CSMD1: variants seen among roughly 807,000 people sequenced by gnomAD.
CSMD1 encodes CUB and Sushi multiple domains 1, also known as CUB and sushi domain-containing protein 1.
A neutral mutation model predicts 417.5 loss-of-function variants in CSMD1; 213 were observed. The observed-to-expected ratio is 0.51, with a 90% CI of 0.46 to 0.57. CSMD1 has a LOEUF of 0.57. Ranked by LOEUF, CSMD1 falls within the 20% of genes least tolerant of loss-of-function variation. The probability of loss-of-function intolerance (pLI) is 0.00; values close to 1 mark genes in which losing one functional copy is unlikely to be tolerated. For synonymous variants in CSMD1, 2,862 were observed against 1,736.8 expected (o/e 1.65, Z -16.11); for missense variants, 6,923 against 4,529.7 (o/e 1.53, Z -15.17).
intron 36 of CSMD1, among the ~76,000 whole-genome samples, chr8:3,186,373 T>A (rs528489840): frequency 6.6e-6 from 1 of 152,212 alleles, no homozygotes; most frequent in African/African-American, 2.4e-5. Flanking sequence ...AATGGGCTAT[T>A]TGAAATAAAA....
intron 18 of CSMD1, among the ~76,000 whole-genome samples, chr8:3,380,091 C>G (rs145244503): frequency 0.12 from 18,171 of 152,170 alleles, 1,124 homozygotes; most frequent in Non-Finnish European, 0.14. Context: ...TATGAACAGA[C>G]ACTTCTCTAA....
intron 10 of CSMD1, among the ~76,000 whole-genome samples, chr8:3,533,286 T>C (rs752389153): frequency 1.3e-5 from 2 of 152,216 alleles, no homozygotes; most frequent in Non-Finnish European, 2.9e-5. Context: ...AATGTTTAAA[T>C]GCCCAATATA....
intron 42 of CSMD1, among the ~76,000 whole-genome samples, chr8:3,110,753 A>T (rs761986570): frequency 1.3e-5 from 2 of 152,174 alleles, no homozygotes; most frequent in Non-Finnish European, 2.9e-5. Flanking sequence ...CATCTGAAAG[A>T]GTGTCATCTA....
At chr8:4,396,331 G>C (rs569872504) in intron 3 of CSMD1, among the ~76,000 whole-genome samples, 1 of 151,622 alleles carries the variant, frequency 6.6e-6, no homozygotes, top group South Asian at 2.1e-4. Flanking sequence ...GCCAGGCATG[G>C]TAGCATGCAC....
At chr8:4,915,379 G>A (rs556877406) in intron 1 of CSMD1, among the ~76,000 whole-genome samples, 1 of 152,310 alleles carries the variant, frequency 6.6e-6, no homozygotes, top group South Asian at 2.1e-4. Context: ...GACAATCGTA[G>A]ATTCTGATCC....
intron 3 of CSMD1, among the ~76,000 whole-genome samples, chr8:4,155,183 A>C (rs942585181): frequency 6.6e-6 from 1 of 152,198 alleles, no homozygotes; most frequent in Non-Finnish European, 1.5e-5. Context: ...TAATTTGCCC[A>C]GGATTGTCCT....
At chr8:4,413,251 GCTTTC>G (rs1275209503) in intron 3 of CSMD1, among the ~76,000 whole-genome samples, 2 of 152,176 alleles carry the variant, frequency 1.3e-5, no homozygotes, top group Non-Finnish European at 2.9e-5. Context: ...AGCTGGCTAA[GCTTTC>G]CTTTCCTTGA....
chr8:4,483,402 G>C (rs950428104), intron 2 of CSMD1, among the ~76,000 whole-genome samples: 4 of 152,260 alleles, frequency 2.6e-5, no homozygotes, highest in Middle Eastern at 3.4e-3. Context: ...TCTAAAGCTA[G>C]CTAATTACAT....
chr8:2,975,202 A>G (rs1804814097), intron 55 of CSMD1, among the ~76,000 whole-genome samples: 1 of 152,208 alleles, frequency 6.6e-6, no homozygotes, highest in Admixed American at 6.5e-5. Flanking sequence ...TGTTCTATAA[A>G]ATAATCTCAT....
intron 5 of CSMD1, among the ~76,000 whole-genome samples, chr8:3,934,104 A>T (rs1810327421): frequency 6.6e-6 from 1 of 152,192 alleles, no homozygotes; most frequent in African/African-American, 2.4e-5. Flanking sequence ...ATGTTTTTGA[A>T]AACTAAAATT....
intron 3 of CSMD1, among the ~76,000 whole-genome samples, chr8:4,280,391 G>A (rs1419894416): frequency 6.6e-6 from 1 of 152,168 alleles, no homozygotes; most frequent in African/African-American, 2.4e-5. Context: ...GTTTTCTTCA[G>A]TTGTCTAGAA....
intron 6 of CSMD1, among the ~76,000 whole-genome samples, chr8:3,753,257 G>C (rs933567153): frequency 4.6e-5 from 7 of 152,308 alleles, no homozygotes; most frequent in East Asian, 3.9e-4. Context: ...AAGTGGAATG[G>C]TTTTTAGGAG....
At chr8:4,410,755 T>C (rs1190266147) in intron 3 of CSMD1, among the ~76,000 whole-genome samples, 3 of 152,080 alleles carry the variant, frequency 2.0e-5, no homozygotes, top group Non-Finnish European at 4.4e-5. Flanking sequence ...ATGAAAAATA[T>C]TAAGAAATGA....
At chr8:4,594,674 T>A (rs1444927056) in intron 2 of CSMD1, among the ~76,000 whole-genome samples, 1 of 152,216 alleles carries the variant, frequency 6.6e-6, no homozygotes, top group Non-Finnish European at 1.5e-5. Flanking sequence ...CTGCTGCCCA[T>A]GTGTTGCCTT....
intron 3 of CSMD1, among the ~76,000 whole-genome samples, chr8:4,153,158 C>G (rs1796659047): frequency 6.6e-6 from 1 of 152,100 alleles, no homozygotes; most frequent in African/African-American, 2.4e-5. Flanking sequence ...ACTGTGGTGA[C>G]CATGCCAGGA....
At chr8:2,952,514 GT>G (rs1031860525) in intron 65 of CSMD1, among the ~76,000 whole-genome samples, 1 of 152,064 alleles carries the variant, frequency 6.6e-6, no homozygotes, top group Non-Finnish European at 1.5e-5. Context: ...AATAAAATAA[GT>G]AAAAAACTCA....
chr8:3,289,619 G>A (rs1419888446), intron 25 of CSMD1, among the ~76,000 whole-genome samples: 6 of 147,066 alleles, frequency 4.1e-5, no homozygotes, highest in African/African-American at 1.6e-4. Flanking sequence ...CTGCATAAAT[G>A]TCTTCTTTTG....
Position 3,054,693 on chromosome 8 carries a change from G to A in CSMD1, c.7475-2046C>T, listed in dbSNP as rs570498515. Among the ~76,000 whole-genome samples, 56 of 152,302 alleles carry A rather than the reference G, an allele frequency of 3.7e-4. No individual in the cohort carries two copies. In the South Asian group the frequency reaches 4.4e-3, roughly 12 times the overall value. On this transcript the variant is annotated intron_variant, in intron 49 of 69. Transcript: ENST00000635120. ...CATGTGTGTACATGTGTCCATGTGC[G>A]CACGTGTGTACGTGTGTGTACATGT...
intron 5 of CSMD1, among the ~76,000 whole-genome samples, chr8:3,841,103 CT>C (rs1366576451): frequency 6.6e-6 from 1 of 152,046 alleles, no homozygotes; most frequent in Non-Finnish European, 1.5e-5. Context: ...TTAAATAGAA[CT>C]TTTCCAGGAA....
Sources: gnomAD v4.1 joint callset for allele counts (sites outside exome capture counted in the v4.1 genomes callset) on GRCh38, gnomAD v4.1.1 for gene constraint, MANE v1.5 for transcripts, NCBI Gene and HGNC (gene_info 2026-07-23, HGNC 2026-07-21) for gene names.